Variants in POU6F2 observed in about 807,000 individuals in gnomAD.
POU6F2 encodes the protein POU domain, class 6, transcription factor 2.
POU6F2 carries 31 observed loss-of-function variants against 71.3 expected under a neutral mutation model. The observed-to-expected ratio is 0.43, with a 90% CI of 0.33 to 0.59. The LOEUF is 0.59. Among genes scored for constraint, POU6F2 ranks in the 20% least tolerant of loss-of-function variants. POU6F2 has a pLI of 0.04. For synonymous variants in POU6F2, 347 were observed against 355.7 expected (o/e 0.98, Z 0.27); for missense variants, 783 against 856.8 (o/e 0.91, Z 1.07).
intron 2 of POU6F2, among the ~76,000 whole-genome samples, chr7:39,135,316 CAAATTAGGCA>C (rs1792368820): frequency 6.6e-6 from 1 of 152,168 alleles, no homozygotes; most frequent in South Asian, 2.1e-4. Flanking sequence ...CAGCACTGGA[CAAATTAGGCA>C]AAAATCTCAG....
chr7:39,403,405 A>G (rs1229512860), intron 5 of POU6F2, among the ~76,000 whole-genome samples: 1 of 152,182 alleles, frequency 6.6e-6, no homozygotes, highest in East Asian at 1.9e-4. Context: ...ATACACCAGA[A>G]TTCATCATGT....
intron 9 of POU6F2, among the ~76,000 whole-genome samples, chr7:39,462,638 T>C (rs1788976707): frequency 6.6e-6 from 1 of 152,254 alleles, no homozygotes; most frequent in Non-Finnish European, 1.5e-5. Context: ...AAATGTGGTA[T>C]GTGGCAAATT....
At chr7:39,428,901 G>A (rs577772562) in intron 6 of POU6F2, among the ~76,000 whole-genome samples, 1 of 142,204 alleles carries the variant, frequency 7.0e-6, no homozygotes, top group Admixed American at 7.8e-5. Flanking sequence ...CGTCATAGGT[G>A]GGAATTGAAC....
At chr7:39,307,823 C>A (rs1201158970) in intron 4 of POU6F2, among the ~76,000 whole-genome samples, 2 of 151,996 alleles carry the variant, frequency 1.3e-5, no homozygotes, top group African/African-American at 4.8e-5. Context: ...CAAAAATTAG[C>A]CAGGCATGTA....
chr7:39,308,398 C>G (rs1485173892), intron 4 of POU6F2, among the ~76,000 whole-genome samples: 1 of 152,126 alleles, frequency 6.6e-6, no homozygotes, highest in African/African-American at 2.4e-5. Context: ...GAGGGCCTCC[C>G]CCAGGTGCGT....
In POU6F2 at chr7:39,237,170, G is replaced by T. The variant is rs149040222; in HGVS notation, c.598+29550G>T. On this transcript the variant is annotated intron_variant, in intron 4 of 9. Transcript: ENST00000518318. The stretch of plus-strand genomic sequence containing the variant: ...GCCTGAATGAAGCTGGAGAGAGAAG[G>T]CGCATCAGCAAATGGAAAACCAAGG... Among the ~76,000 whole-genome samples, 624 of 152,280 alleles carry T rather than the reference G, an allele frequency of 4.1e-3. 12 individuals carry two copies. The South Asian group carries it at 0.045, about 11-fold the overall frequency.
intron 1 of POU6F2, among the ~76,000 whole-genome samples, chr7:39,007,697 C>T (rs906840830): frequency 3.7e-4 from 56 of 151,914 alleles, no homozygotes; most frequent in African/African-American, 1.3e-3. Context: ...CCACCACAGT[C>T]CCCAGAGTGT....
chr7:39,076,836 T>C (rs1333249728), intron 1 of POU6F2, among the ~76,000 whole-genome samples: 1 of 151,424 alleles, frequency 6.6e-6, no homozygotes, highest in Non-Finnish European at 1.5e-5. Flanking sequence ...CTGGAAACTA[T>C]CTCACTTTTG....
At chr7:39,156,209 G>A (rs1187272831) in intron 2 of POU6F2, among the ~76,000 whole-genome samples, 2 of 152,054 alleles carry the variant, frequency 1.3e-5, no homozygotes, top group Non-Finnish European at 2.9e-5. Flanking sequence ...TAAGATTAGT[G>A]GATTACAGTA....
intron 5 of POU6F2, among the ~76,000 whole-genome samples, chr7:39,385,051 T>C (rs1205473526): frequency 6.6e-6 from 1 of 152,206 alleles, no homozygotes. Context: ...AGAGAACTTA[T>C]AATCAAAAAC....
chr7:39,324,824 A>G (rs543328269), intron 4 of POU6F2, among the ~76,000 whole-genome samples: 1 of 152,250 alleles, frequency 6.6e-6, no homozygotes, highest in East Asian at 1.9e-4. Context: ...ATTTTTGATG[A>G]CCCTTTTCTC....
At chr7:39,409,187 C>T (rs963587805) in intron 6 of POU6F2, among the ~76,000 whole-genome samples, 12 of 152,168 alleles carry the variant, frequency 7.9e-5, no homozygotes, top group Admixed American at 7.2e-4. Flanking sequence ...AAAGAGAAAA[C>T]TCTGAATATG....
At chr7:39,196,480 G>A (rs1000193549) in intron 2 of POU6F2, among the ~76,000 whole-genome samples, 4 of 152,142 alleles carry the variant, frequency 2.6e-5, no homozygotes, top group Non-Finnish European at 4.4e-5. Flanking sequence ...AATTTGGGCC[G>A]GGCGCAGTGG....
intron 4 of POU6F2, among the ~76,000 whole-genome samples, chr7:39,221,367 T>C (rs1057111749): frequency 2.1e-5 from 3 of 144,982 alleles, no homozygotes; most frequent in African/African-American, 7.5e-5. Flanking sequence ...GATCAGAATC[T>C]AAAATTCTCT....
chr7:39,028,835 T>C (rs1789876879), intron 1 of POU6F2, among the ~76,000 whole-genome samples: 1 of 152,168 alleles, frequency 6.6e-6, no homozygotes, highest in South Asian at 2.1e-4. Flanking sequence ...AAACAGGGTC[T>C]TACTCTGCCA....
intron 1 of POU6F2, among the ~76,000 whole-genome samples, chr7:39,084,260 T>C (rs1791189817): frequency 6.6e-6 from 1 of 152,210 alleles, no homozygotes; most frequent in South Asian, 2.1e-4. Context: ...AATTACCTTG[T>C]TAAATGACAG....
chr7:39,435,891 C>T (rs1788229163), intron 7 of POU6F2, among the ~76,000 whole-genome samples: 1 of 152,012 alleles, frequency 6.6e-6, no homozygotes, highest in Non-Finnish European at 1.5e-5. Flanking sequence ...GGAATCCTTT[C>T]CCCTTTGTTT....
At chr7:39,253,825 T>C (rs1346862234) in intron 4 of POU6F2, among the ~76,000 whole-genome samples, 1 of 152,226 alleles carries the variant, frequency 6.6e-6, no homozygotes, top group African/African-American at 2.4e-5. Context: ...TTGTTTCCTA[T>C]TATGCTTCTT....
rs530083060 is a variant in POU6F2 at position 39,363,526 on chromosome 7, T to C, written c.972+23511T>C. ...CAAGTTCATCAGTGTACTGCTGGTA[T>C]GTAAAGCCAGAGGCCTGGATAAGAT... On this transcript the variant is annotated intron_variant, in intron 5 of 9. Transcript: ENST00000518318. 4.6e-5 allele frequency among the ~76,000 whole-genome samples: 7 copies of C among 151,560 alleles called. 1 individual carries two copies. The South Asian group carries it at 6.3e-4, about 14-fold the overall frequency.
Sources: allele counts gnomAD v4.1 joint callset (sites outside exome capture counted in the v4.1 genomes callset), GRCh38; gene constraint gnomAD v4.1.1; transcripts MANE v1.5; gene names NCBI Gene and HGNC (gene_info 2026-07-23, HGNC 2026-07-21).